The following DAB2IP variants were observed in gnomAD, a reference collection of about 807,000 sequenced individuals.
DAB2IP encodes disabled homolog 2-interacting protein.
A neutral mutation model predicts 107.2 loss-of-function variants in DAB2IP; 28 were observed. The ratio of observed to expected loss-of-function variants is 0.26; its 90% confidence interval spans 0.19 to 0.36. The LOEUF (loss-of-function observed/expected upper bound fraction) is 0.36. DAB2IP is among the 10% of genes least tolerant of loss of function. DAB2IP has a pLI of 1.00. For missense variants in DAB2IP, 1,400 were observed against 1,644.7 expected (o/e 0.85, Z 2.57); for synonymous variants, 755 against 706.4 (o/e 1.07, Z -1.09).
intron 1 of DAB2IP, among the ~76,000 whole-genome samples, chr9:121,659,199 C>G (rs148500788): frequency 1.9e-4 from 29 of 152,298 alleles, no homozygotes; most frequent in African/African-American, 7.0e-4. Flanking sequence ...GGAGATGACT[C>G]CTTCCTACTG....
chr9:121,777,623 G>A (rs555012173), intron 14 of DAB2IP, among the ~76,000 whole-genome samples: 18 of 152,324 alleles, frequency 1.2e-4, no homozygotes, highest in African/African-American at 4.3e-4. Flanking sequence ...ATGTCAGTTA[G>A]GTAGATAGTG....
chr9:121,614,634 C>T (rs1254486091), intron 1 of DAB2IP, among the ~76,000 whole-genome samples: 6 of 151,620 alleles, frequency 4.0e-5, no homozygotes, highest in Non-Finnish European at 8.8e-5. Flanking sequence ...CCACTGCGCC[C>T]GGCCCCACCT....
intron 1 of DAB2IP, among the ~76,000 whole-genome samples, chr9:121,676,665 G>A (rs540361662): frequency 4.3e-5 from 4 of 93,726 alleles, no homozygotes; most frequent in African/African-American, 9.8e-5. Flanking sequence ...ACACACACAC[G>A]CACACACACT....
chr9:121,612,183 T>C (rs944116065), intron 1 of DAB2IP, among the ~76,000 whole-genome samples: 1 of 149,388 alleles, frequency 6.7e-6, no homozygotes, highest in African/African-American at 2.5e-5. Context: ...CTGGGGCTGG[T>C]GGTGTGTGCC....
intron 1 of DAB2IP, among the ~76,000 whole-genome samples, chr9:121,578,217 T>A (rs182195262): frequency 2.0e-4 from 30 of 152,252 alleles, no homozygotes; most frequent in African/African-American, 6.7e-4. Context: ...AGACTCTCTC[T>A]GGGTCTATCT....
intron 3 of DAB2IP, among the ~76,000 whole-genome samples, chr9:121,746,771 G>C (rs1378848462): frequency 6.6e-6 from 1 of 152,216 alleles, no homozygotes; most frequent in Non-Finnish European, 1.5e-5. Context: ...TCGCTTTTCA[G>C]CTAATTTATT....
At chr9:121,593,597 A>ACTTT (rs375746544) in intron 1 of DAB2IP, among the ~76,000 whole-genome samples, 4,311 of 146,014 alleles carry the variant, frequency 0.03, 198 homozygotes, top group African/African-American at 0.091. Context: ...TCAGCCTCCC[A>ACTTT]CTTTCTTTCT....
Position 121,691,093 on chromosome 9 carries a change from C to G in DAB2IP, c.229-8232C>G, listed in dbSNP as rs190725857. ...TCCCAAGTGAAATCCTTTTAAAAAG[C>G]CCCACAGAGCACTTTATCTTTTTCC... On this transcript the variant is annotated intron_variant, in intron 2 of 15. Coordinates refer to ENST00000408936, the Ensembl canonical transcript of DAB2IP. 3.3e-4 allele frequency among the ~76,000 whole-genome samples: 51 copies of G among 152,330 alleles called. No individual in the cohort carries two copies. The East Asian group carries it at 5.0e-3, about 15-fold the overall frequency.
chr9:121,617,469 C>A (rs1018120719), intron 1 of DAB2IP, among the ~76,000 whole-genome samples: 2 of 152,346 alleles, frequency 1.3e-5, no homozygotes, highest in Middle Eastern at 3.4e-3. Context: ...CTCAGGCTCT[C>A]TCATCTCAAG....
chr9:121,588,974 C>A (rs1039113737), intron 1 of DAB2IP, among the ~76,000 whole-genome samples: 3 of 151,920 alleles, frequency 2.0e-5, no homozygotes, highest in Non-Finnish European at 4.4e-5. Flanking sequence ...CCCCCTACCC[C>A]CCACCAAACC....
intron 6 of DAB2IP, 23 bp from the exon 7 acceptor site, chr9:121,763,482 C>T: frequency 6.2e-7 from 1 of 1,602,346 alleles, no homozygotes; most frequent in South Asian, 1.1e-5. Context: ...AGGTCCTGCT[C>T]TCTCCACCTC....
At chr9:121,608,250 C>T (rs1241167065) in intron 1 of DAB2IP, among the ~76,000 whole-genome samples, 2 of 152,108 alleles carry the variant, frequency 1.3e-5, no homozygotes, top group African/African-American at 2.4e-5. Context: ...TATAAATGAG[C>T]GTGTGGAGGT....
intron 1 of DAB2IP, among the ~76,000 whole-genome samples, chr9:121,568,726 TC>T (rs1302768202): frequency 6.6e-6 from 1 of 151,928 alleles, no homozygotes; most frequent in Non-Finnish European, 1.5e-5. Context: ...GTCTGGATGC[TC>T]CCCTAGGGAG....
chr9:121,762,069 GTAACTT>G (rs1427149228), intron 6 of DAB2IP, among the ~76,000 whole-genome samples: 1 of 152,156 alleles, frequency 6.6e-6, no homozygotes, highest in Non-Finnish European at 1.5e-5. Flanking sequence ...AGCATAGAAA[GTAACTT>G]GTGCTGCTGG....
exon 16 of DAB2IP, chr9:121,783,534 A>T (rs906960689): frequency 6.2e-7 from 1 of 1,614,012 alleles, no homozygotes; most frequent in Non-Finnish European, 8.5e-7. Flanking sequence ...TTCCTTTCAC[A>T]GTATGCATTA....
At chr9:121,783,664 A>G in exon 16 of DAB2IP, 1 of 1,330,942 alleles carries the variant, frequency 7.5e-7, no homozygotes, top group Non-Finnish European at 1.1e-6. Flanking sequence ...CCAAGACAGC[A>G]GCAGCCTGCA....
chr9:121,760,109 CAAGAA>C lies in DAB2IP; in HGVS notation c.841_845del (p.Lys281GlufsTer68). On this transcript the variant is annotated frameshift_variant, in exon 6 of 16. Coordinates refer to ENST00000408936, the Ensembl canonical transcript of DAB2IP. LOFTEE classifies it high-confidence loss of function. The surrounding 1 kb of genome is among the most constrained non-coding windows in gnomAD (Gnocchi z 5.9). ...CTGTCCACCTGTACCGGGAGACCGA[CAAGAA>C]GAAGAAGAAGGAGCGCAACAGTTAC... The C allele has an allele frequency of 6.2e-7, 1 of 1,613,890 alleles. No individual in the cohort carries two copies. The highest frequency in any genetic ancestry group is 8.5e-7 in the Non-Finnish European group (1 of 1,180,000).
intron 1 of DAB2IP, among the ~76,000 whole-genome samples, chr9:121,659,144 G>A (rs1589466409): frequency 6.6e-6 from 1 of 152,242 alleles, no homozygotes; most frequent in South Asian, 2.1e-4. Context: ...ATGAGGGAGA[G>A]AGGGGAGAAG....
intron 1 of DAB2IP, among the ~76,000 whole-genome samples, chr9:121,639,475 G>T (rs537149315): frequency 1.3e-5 from 2 of 152,316 alleles, no homozygotes; most frequent in Non-Finnish European, 2.9e-5. Flanking sequence ...CCCAGGACCT[G>T]CTGAGGTCAG....
Sources: gnomAD v4.1 joint callset for allele counts (sites outside exome capture counted in the v4.1 genomes callset) on GRCh38, gnomAD v4.1.1 for gene constraint, Gnocchi (gnomAD v3.1) non-coding constraint, MANE v1.5 for transcripts, NCBI Gene and HGNC (gene_info 2026-07-23, HGNC 2026-07-21) for gene names.